CCDC51: variants seen among roughly 807,000 people sequenced by gnomAD.
The protein encoded by CCDC51 is mitochondrial potassium channel.
Under a neutral mutation model 24.8 loss-of-function variants are expected in CCDC51, and 25 were observed. The ratio of observed to expected loss-of-function variants is 1.01; its 90% CI spans 0.73 to 1.41. CCDC51 has a LOEUF of 1.41. CCDC51 is among the 40% of genes most tolerant of loss of function. The pLI is 0.00. For missense variants in CCDC51, 466 were observed against 519.1 expected (o/e 0.90, Z 0.99); for synonymous variants, 190 against 204.3 (o/e 0.93, Z 0.60).
At chr3:48,442,273 A>AG (rs2039588760), upstream of CCDC51, among the ~76,000 whole-genome samples, 1 of 149,682 alleles carries the variant, frequency 6.7e-6, no homozygotes, top group Non-Finnish European at 1.5e-5. Flanking sequence ...AAAAAAAAAA[A>AG]AAAAAAGGTA....
In CCDC51 at chr3:48,432,343, C is replaced by T. The variant is rs1245550983; in HGVS notation, c.*65G>A. ...CCCCCAAAGGCTCGCTTCATTGCTACGATTCTCTACTTAAATCCACATTCA... is the reference window on the plus strand; with the variant it reads ...CCCCCAAAGGCTCGCTTCATTGCTATGATTCTCTACTTAAATCCACATTCA... On this transcript the variant is annotated 3_prime_UTR_variant, in exon 4 of 4. Transcript: ENST00000395694. The T allele has an allele frequency of 2.3e-5, 36 of 1,579,108 alleles. No homozygotes were observed. In the South Asian group the frequency reaches 3.5e-4, roughly 15 times the overall value.
chr3:48,440,115 C>A lies in CCDC51; in HGVS notation c.-136G>T. 1 of 995,656 alleles carries A rather than the reference C, an allele frequency of 1.0e-6. No homozygotes were observed. The highest frequency in any genetic ancestry group is 1.4e-6 in the Non-Finnish European group (1 of 698,988). The allele number at this position is 995,656 out of a possible 1,614,324, so 61.7% of individuals were successfully genotyped here. On this transcript the variant is annotated 5_prime_UTR_variant, in exon 1 of 4. Coordinates refer to ENST00000395694, the MANE Select transcript of CCDC51 (RefSeq NM_001256964.2). ...TCGTACCTGGCGTGGCCCGACCAATCGTCTGCCACTCAGTTGACCTCTGAC... is the reference window on the plus strand; with the variant it reads ...TCGTACCTGGCGTGGCCCGACCAATAGTCTGCCACTCAGTTGACCTCTGAC...
At chr3:48,441,377 T>A (rs1431626178), upstream of CCDC51, among the ~76,000 whole-genome samples, 1 of 151,562 alleles carries the variant, frequency 6.6e-6, no homozygotes, top group Non-Finnish European at 1.5e-5. Context: ...GAGACGGAGT[T>A]TCACCATGTT....
the CCDC51 span, chr3:48,446,587 C>G: frequency 5.8e-6 from 2 of 343,022 alleles, no homozygotes; most frequent in Non-Finnish European, 5.1e-6. Flanking sequence ...CGGGTCGCGC[C>G]GCACTGAGTC....
rs1575426318 is a variant in CCDC51 at position 48,437,568 on chromosome 3, T to C, written c.-9+2420A>G. Among the ~76,000 whole-genome samples the C allele has an allele frequency of 6.6e-6, 1 of 152,198 alleles. No individual in the cohort carries two copies. The highest frequency in any genetic ancestry group is 3.4e-3 in the Middle Eastern group (1 of 294). On this transcript the variant is annotated intron_variant, in intron 1 of 3. Transcript: ENST00000395694. This position sits in a 1 kb window ranked among gnomAD's most constrained non-coding sequence, Gnocchi z 4.2. ...GAGAAGAGTGGATGGAGAGGCTGGA[T>C]AGGTGAAGCAGGGCCCTGAGGGTCA...
upstream of CCDC51, among the ~76,000 whole-genome samples, chr3:48,442,913 CT>C (rs1047370585): frequency 2.6e-5 from 4 of 152,048 alleles, no homozygotes; most frequent in African/African-American, 9.7e-5. Context: ...GGGATCCTGG[CT>C]TGTCACATAC....
At chr3:48,443,241 C>CAAAAAA (rs3082576), upstream of CCDC51, among the ~76,000 whole-genome samples, 29 of 70,530 alleles carry the variant, frequency 4.1e-4, no homozygotes, top group African/African-American at 1.7e-3. Flanking sequence ...ACTCCATCTC[C>CAAAAAA]AAAAAAAAAA....
chr3:48,440,897 C>G (rs551952700), upstream of CCDC51: 5 of 536,342 alleles, frequency 9.3e-6, no homozygotes, highest in Non-Finnish European at 1.3e-5. Flanking sequence ...GTATTTACCT[C>G]AGACGCAGAT....
intron 1 of CCDC51, among the ~76,000 whole-genome samples, chr3:48,436,627 C>A (rs896512757): frequency 3.3e-5 from 5 of 152,244 alleles, no homozygotes; most frequent in Non-Finnish European, 7.3e-5. Flanking sequence ...AGGCTGAGAT[C>A]CTATAACACC....
chr3:48,443,205 C>T (rs1361770286), upstream of CCDC51, among the ~76,000 whole-genome samples: 1 of 140,940 alleles, frequency 7.1e-6, no homozygotes, highest in Non-Finnish European at 1.5e-5. Context: ...TGCACCACCG[C>T]AGTCCAGCCT....
At chr3:48,442,509 T>TGGCATGATCTCAGCTCACTGCAGC (rs1480849759), upstream of CCDC51, among the ~76,000 whole-genome samples, 1 of 150,732 alleles carries the variant, frequency 6.6e-6, no homozygotes, top group East Asian at 2.0e-4. Flanking sequence ...TGGAGTGCAG[T>TGGCATGATCTCAGCTCACTGCAGC]GGCATGATCT....
chr3:48,432,485 T>C lies in CCDC51; in HGVS notation c.1159A>G (p.Ile387Val). 1 of 1,614,248 alleles carries C rather than the reference T, an allele frequency of 6.2e-7. No individual in the cohort carries two copies. The highest frequency in any genetic ancestry group is 8.5e-7 in the Non-Finnish European group (1 of 1,180,046). ...ACACAGGTGACCAGGGTGCTATAGA[T>C]GGTGTTCCTGTTGACTTGGGCTTCT... ...RLEAQVNRNT[I>V]YSTLVTCVTF... The change falls in exon 4 of 4, where the codon ATC (isoleucine) becomes GTC (valine). Residue 387 changes from isoleucine to valine, a missense_variant. Transcript: ENST00000395694.
chr3:48,445,930 C>T, the CCDC51 span, among the ~76,000 whole-genome samples: 1 of 152,248 alleles, frequency 6.6e-6, no homozygotes, highest in African/African-American at 2.4e-5. Flanking sequence ...CTTTGTGAAG[C>T]TTTACCTCTG....
rs1221360560 is a variant in CCDC51 at position 48,437,620 on chromosome 3, C to T, written c.-9+2368G>A. Reference sequence around the variant, plus strand: ...GTTCGGAATCCTGCCCCTTCAGATCCATTCTCCCGCTCTATGTAGATGGCT... The same window carrying T: ...GTTCGGAATCCTGCCCCTTCAGATCTATTCTCCCGCTCTATGTAGATGGCT... On this transcript the variant is annotated intron_variant, in intron 1 of 3. Coordinates refer to ENST00000395694, the MANE Select transcript of CCDC51 (RefSeq NM_001256964.2). The surrounding 1 kb of genome is among the most constrained non-coding windows in gnomAD (Gnocchi z 4.2). Among the ~76,000 whole-genome samples, 1 of 152,130 alleles carries T rather than the reference C, an allele frequency of 6.6e-6. No individual in the cohort carries two copies. The highest frequency in any genetic ancestry group is 2.4e-5 in the African/African-American group (1 of 41,418).
chr3:48,443,096 C>T (rs1575431911), upstream of CCDC51, among the ~76,000 whole-genome samples: 1 of 151,378 alleles, frequency 6.6e-6, no homozygotes, highest in Non-Finnish European at 1.5e-5. Context: ...AAAAATTAGC[C>T]GGGTATGGTG....
chr3:48,433,383 TC>T lies in CCDC51; in HGVS notation c.478-218del, dbSNP rs1181803220. On this transcript the variant is annotated intron_variant, in intron 3 of 3. Transcript: ENST00000395694. This position sits in a 1 kb window ranked among gnomAD's most constrained non-coding sequence, Gnocchi z 4.4. Reference sequence around the variant, plus strand: ...TGCATGATCGTCCCACCTGAGCAGTTCTGGGTTTGACCAGAGGTGCACTTAT... The same window carrying T: ...TGCATGATCGTCCCACCTGAGCAGTTTGGGTTTGACCAGAGGTGCACTTAT... Among the ~76,000 whole-genome samples the T allele has an allele frequency of 7.9e-5, 12 of 152,302 alleles. No individual in the cohort carries two copies. The highest frequency in any genetic ancestry group is 7.2e-4 in the Admixed American group (11 of 15,306).
chr3:48,436,153 C>T (rs1433713215), intron 1 of CCDC51, among the ~76,000 whole-genome samples: 1 of 152,100 alleles, frequency 6.6e-6, no homozygotes, highest in Non-Finnish European at 1.5e-5. Flanking sequence ...AACCACACCT[C>T]AAAGTCCCTA....
chr3:48,439,642 AG>A (rs1167784048), intron 1 of CCDC51, among the ~76,000 whole-genome samples: 1 of 152,120 alleles, frequency 6.6e-6, no homozygotes, highest in Non-Finnish European at 1.5e-5. Context: ...CGGGGGGAAA[AG>A]AAAAAAAAGC....
At chr3:48,443,807 A>C, upstream of CCDC51, 1 of 1,531,794 alleles carries the variant, frequency 6.5e-7, no homozygotes, top group Non-Finnish European at 8.7e-7. Flanking sequence ...CTACCGTAAG[A>C]ACTATATTTT....
Sources: allele counts gnomAD v4.1 joint callset (sites outside exome capture counted in the v4.1 genomes callset), GRCh38; gene constraint gnomAD v4.1.1; non-coding constraint Gnocchi (gnomAD v3.1); transcripts MANE v1.5; gene names NCBI Gene and HGNC (gene_info 2026-07-23, HGNC 2026-07-21).